FRAS1: variants seen among roughly 807,000 people sequenced by gnomAD.
The protein encoded by FRAS1 is Fraser extracellular matrix complex subunit 1.
FRAS1 carries 290 observed loss-of-function variants against 435.2 expected under a neutral mutation model. The ratio of observed to expected loss-of-function variants is 0.67; its 90% CI spans 0.61 to 0.73. The LOEUF (loss-of-function observed/expected upper bound fraction) is 0.73. FRAS1 is among the 30% of genes least tolerant of loss of function. FRAS1 has a pLI of 0.00. For missense variants in FRAS1, 4,860 were observed against 5,001.5 expected (o/e 0.97, Z 0.85); for synonymous variants, 1,800 against 1,851.0 (o/e 0.97, Z 0.71).
chr4:78,338,051 T>C, intron 20 of FRAS1: 1 of 489,386 alleles, frequency 2.0e-6, no homozygotes. Flanking sequence ...CAGACTCTCA[T>C]ATTAATGAAG....
intron 2 of FRAS1, among the ~76,000 whole-genome samples, chr4:78,097,108 C>T (rs768430719): frequency 2.7e-4 from 41 of 152,152 alleles, no homozygotes; most frequent in Non-Finnish European, 4.6e-4. Flanking sequence ...CAAGGTTTCA[C>T]AAATCTCTAG....
chr4:78,245,199 G>C lies in FRAS1; in HGVS notation c.217-34G>C, dbSNP rs376954752. 60 of 1,431,844 alleles carry C rather than the reference G, an allele frequency of 4.2e-5. No homozygotes were observed. In the African/African-American group the frequency reaches 6.7e-4, roughly 16 times the overall value. The allele number at this position is 1,431,844 out of a possible 1,614,324, so 88.7% of individuals were successfully genotyped here. A position where few individuals can be genotyped will look rare whatever the true frequency, so the allele number is the denominator to read the frequency against. On this transcript the variant is annotated intron_variant, in intron 3 of 73. Transcript: ENST00000512123. The stretch of plus-strand genomic sequence containing the variant: ...CTATTGTGACTTGGTGTGTGCTGCT[G>C]CTGTTTTACTTTGAGCTGCTTTTAA...
intron 18 of FRAS1, among the ~76,000 whole-genome samples, chr4:78,322,032 T>G (rs1729531528): frequency 6.6e-6 from 1 of 152,140 alleles, no homozygotes; most frequent in Non-Finnish European, 1.5e-5. Flanking sequence ...GCAGTCTCAC[T>G]AGGTAGGTTG....
At chr4:78,240,763 GA>G (rs138166400) in intron 3 of FRAS1, among the ~76,000 whole-genome samples, 1,713 of 152,280 alleles carry the variant, frequency 0.011, 27 homozygotes, top group African/African-American at 0.039. Context: ...GGTACAAGAT[GA>G]AGGATGGAAT....
chr4:78,183,775 T>TGTGTGC (rs55783941), intron 2 of FRAS1, among the ~76,000 whole-genome samples: 1 of 150,714 alleles, frequency 6.6e-6, no homozygotes, highest in African/African-American at 2.5e-5. Context: ...TGTGTGTGTG[T>TGTGTGC]TTAAATATAT....
At chr4:78,248,945 C>T (rs1725381356) in intron 4 of FRAS1, among the ~76,000 whole-genome samples, 1 of 150,578 alleles carries the variant, frequency 6.6e-6, no homozygotes, top group South Asian at 2.1e-4. Flanking sequence ...CCTGTGGGAG[C>T]ATTGCTTTGT....
At chr4:78,204,866 T>G (rs889514724) in intron 2 of FRAS1, among the ~76,000 whole-genome samples, 3 of 152,232 alleles carry the variant, frequency 2.0e-5, no homozygotes, top group African/African-American at 7.2e-5. Context: ...GAACCACGTC[T>G]TCTTCCTTAC....
intron 19 of FRAS1, among the ~76,000 whole-genome samples, chr4:78,333,877 C>G (rs1363965958): frequency 6.6e-6 from 1 of 152,180 alleles, no homozygotes; most frequent in Non-Finnish European, 1.5e-5. Flanking sequence ...CAGCTCACTG[C>G]AACCTCACCT....
intron 2 of FRAS1, among the ~76,000 whole-genome samples, chr4:78,127,349 T>C (rs1431135137): frequency 1.3e-5 from 2 of 152,150 alleles, no homozygotes; most frequent in Non-Finnish European, 1.5e-5. Context: ...CTCTATCTCA[T>C]GGAAATAGGA....
chr4:78,223,318 A>G (rs1395100040), intron 2 of FRAS1, among the ~76,000 whole-genome samples: 4 of 152,238 alleles, frequency 2.6e-5, no homozygotes, highest in Non-Finnish European at 1.5e-5. Flanking sequence ...GTGGCCCATC[A>G]TGCCAGGGTG....
Position 78,419,041 on chromosome 4 carries a change from T to C in FRAS1, c.4518T>C (p.Thr1506=), listed in dbSNP as rs760560884. ...KPSGKIVYNI[T]LPLHPNQGII... ...GTGGAAAGATTGTCTACAACATCACTCTACCTCTGCATCCAAATCAAGGTA... is the reference window on the plus strand; with the variant it reads ...GTGGAAAGATTGTCTACAACATCACCCTACCTCTGCATCCAAATCAAGGTA... Residue 1506 remains threonine (T), a synonymous_variant, in exon 33 of 74, where the codon ACT becomes ACC. Transcript: ENST00000512123. 1 of 1,575,182 alleles carries C rather than the reference T, an allele frequency of 6.3e-7. No individual in the cohort carries two copies. Among genetic ancestry groups the C allele is most frequent in the Non-Finnish European group, 8.6e-7 (1 of 1,162,912 alleles).
At chr4:78,222,882 T>C (rs1203231002) in intron 2 of FRAS1, among the ~76,000 whole-genome samples, 2 of 152,190 alleles carry the variant, frequency 1.3e-5, no homozygotes, top group Non-Finnish European at 2.9e-5. Context: ...GCTGTATTAT[T>C]CAGCTGCCAA....
At chr4:78,222,648 A>AC (rs1400129574) in intron 2 of FRAS1, among the ~76,000 whole-genome samples, 1 of 152,150 alleles carries the variant, frequency 6.6e-6, no homozygotes, top group African/African-American at 2.4e-5. Flanking sequence ...AATATCTCTG[A>AC]CGCGCCATTT....
chr4:78,169,944 A>G (rs1721482527), intron 2 of FRAS1, among the ~76,000 whole-genome samples: 1 of 152,106 alleles, frequency 6.6e-6, no homozygotes, highest in Non-Finnish European at 1.5e-5. Context: ...GTTCCCTAAA[A>G]TGGGGATGAG....
At chr4:78,194,168 T>G (rs1051927207) in intron 2 of FRAS1, among the ~76,000 whole-genome samples, 10 of 152,248 alleles carry the variant, frequency 6.6e-5, no homozygotes, top group African/African-American at 1.9e-4. Context: ...CTTCCCTTTG[T>G]GGGTAACCCG....
chr4:78,494,018 T>A (rs1310737805), intron 59 of FRAS1, among the ~76,000 whole-genome samples: 1 of 152,054 alleles, frequency 6.6e-6, no homozygotes, highest in South Asian at 2.1e-4. Flanking sequence ...TGTTTTTTTT[T>A]ATTCATTTTG....
At chr4:78,299,599 T>A (rs1409413063) in intron 14 of FRAS1, among the ~76,000 whole-genome samples, 1 of 152,194 alleles carries the variant, frequency 6.6e-6, no homozygotes, top group Non-Finnish European at 1.5e-5. Context: ...CCTCTATACC[T>A]CTGGACAAAG....
At chr4:78,426,913 G>A (rs577060744) in intron 35 of FRAS1, among the ~76,000 whole-genome samples, 1 of 152,254 alleles carries the variant, frequency 6.6e-6, no homozygotes, top group East Asian at 1.9e-4. Flanking sequence ...TCAAGAATAT[G>A]CCTTGTTCAC....
In FRAS1 at chr4:78,496,971, G is replaced by T. The variant is rs1311934853; in HGVS notation, c.9115+10G>T. The T allele has an allele frequency of 1.9e-6, 3 of 1,607,436 alleles. No homozygotes were observed. The highest frequency in any genetic ancestry group is 1.7e-6 in the Non-Finnish European group (2 of 1,175,308). ...TCCAATGATGAAGATGGTAACAGAA[G>T]AAATTATCTTTAGTTACTCTTAGGT... On this transcript the variant is annotated intron_variant, in intron 60 of 73. Transcript: ENST00000512123.
Sources: gnomAD v4.1 joint callset for allele counts (sites outside exome capture counted in the v4.1 genomes callset) on GRCh38, gnomAD v4.1.1 for gene constraint, MANE v1.5 for transcripts, NCBI Gene and HGNC (gene_info 2026-07-23, HGNC 2026-07-21) for gene names.